The following ANOS1 variants were observed in gnomAD, a reference collection of about 807,000 sequenced individuals.
ANOS1 encodes anosmin 1.
A neutral mutation model predicts 59.0 loss-of-function variants in ANOS1; 6 were observed. That is an observed-to-expected ratio of 0.10 (90% confidence interval 0.06 to 0.20). The LOEUF is 0.20. Ranked by LOEUF, ANOS1 falls within the 10% of genes least tolerant of loss-of-function variation. ANOS1 has a pLI of 1.00. For missense variants in ANOS1, 433 were observed against 542.3 expected (o/e 0.80, Z 2.00); for synonymous variants, 217 against 223.4 (o/e 0.97, Z 0.25).
chrX:8,672,724 G>A (rs999379157), intron 2 of ANOS1, among the ~76,000 whole-genome samples: 2 of 111,766 alleles, frequency 1.8e-5, no homozygotes, highest in African/African-American at 3.3e-5. Flanking sequence ...CAACTAGGGT[G>A]TTCGACCTGA....
At chrX:8,593,935 G>A (rs1470665715) in intron 4 of ANOS1, among the ~76,000 whole-genome samples, 2 of 111,691 alleles carry the variant, frequency 1.8e-5, no homozygotes. Flanking sequence ...GGGATTAAAG[G>A]GGTGAGCCAC....
intron 1 of ANOS1, among the ~76,000 whole-genome samples, chrX:8,715,259 A>G (rs1279805364): frequency 1.8e-5 from 2 of 110,754 alleles, no homozygotes; most frequent in African/African-American, 6.6e-5. Context: ...CATCATACGG[A>G]AAGGTGAAAT....
intron 2 of ANOS1, among the ~76,000 whole-genome samples, chrX:8,640,819 T>C (rs1931651254): frequency 8.9e-6 from 1 of 111,936 alleles, no homozygotes; most frequent in Non-Finnish European, 1.9e-5. Context: ...CTACAAGTCA[T>C]AGATACAATT....
At chrX:8,543,767 G>A (rs945053952) in intron 9 of ANOS1, among the ~76,000 whole-genome samples, 1 of 111,179 alleles carries the variant, frequency 9.0e-6, no homozygotes, top group Admixed American at 9.6e-5. Context: ...GGGAGGCTGA[G>A]GCAGGAGAAT....
intron 8 of ANOS1, chrX:8,565,977 G>T: frequency 1.3e-6 from 1 of 752,558 alleles, no homozygotes; most frequent in Non-Finnish European, 1.6e-6. Flanking sequence ...ACCTCCAGGG[G>T]AGAGACCAGT....
intron 7 of ANOS1, 34 bp from the exon 8 acceptor site, chrX:8,568,410 A>G: frequency 8.5e-7 from 1 of 1,173,473 alleles, no homozygotes; most frequent in Non-Finnish European, 1.2e-6. Flanking sequence ...AAAATGCGTT[A>G]CAAACCTTCC....
chrX:8,568,695 T>C, intron 7 of ANOS1, among the ~76,000 whole-genome samples: 1 of 110,284 alleles, frequency 9.1e-6, no homozygotes, highest in Middle Eastern at 4.7e-3. Context: ...CATGGTGGTG[T>C]GCACTTGTAG....
At chrX:8,582,861 G>A (rs1434435295) in intron 6 of ANOS1, among the ~76,000 whole-genome samples, 1 of 111,755 alleles carries the variant, frequency 8.9e-6, no homozygotes, top group Non-Finnish European at 1.9e-5. Context: ...AGAACTGAGC[G>A]GATTAGGGGA....
At chrX:8,696,536 TA>T (rs1483578800) in intron 2 of ANOS1, among the ~76,000 whole-genome samples, 1 of 112,316 alleles carries the variant, frequency 8.9e-6, no homozygotes, top group Non-Finnish European at 1.9e-5. Context: ...AATGAGCCCC[TA>T]AAAAGGTGCT....
At chrX:8,590,344 TTTTG>T (rs202112365) in intron 4 of ANOS1, among the ~76,000 whole-genome samples, 6,557 of 111,400 alleles carry the variant, frequency 0.059, 202 homozygotes, top group Admixed American at 0.12. Flanking sequence ...TTTATGGTTT[TTTTG>T]TTTGTTTGTT....
intron 2 of ANOS1, among the ~76,000 whole-genome samples, chrX:8,668,688 T>C (rs1932205357): frequency 9.2e-6 from 1 of 108,203 alleles, no homozygotes; most frequent in African/African-American, 3.4e-5. Context: ...ACACATAAGG[T>C]CTACTAAGTT....
At position 8,645,895 on chromosome X, in the gene ANOS1, C is replaced by T. The variant is rs186707549; in HGVS notation, c.256-22225G>A. Among the ~76,000 whole-genome samples, 203 of 112,369 alleles carry T rather than the reference C, an allele frequency of 1.8e-3. 3 individuals are homozygous for T. The East Asian group carries it at 0.043, about 24-fold the overall frequency. On this transcript the variant is annotated intron_variant, in intron 2 of 13. Coordinates refer to ENST00000262648, the MANE Select transcript of ANOS1 (RefSeq NM_000216.4). The stretch of plus-strand genomic sequence containing the variant: ...TCCTGACCTCGTGATCCGCCCGCCT[C>T]GGCCTCCCAAAGTGCTGGGATTACA...
At position 8,670,777 on chromosome X, in the gene ANOS1, T is replaced by C. The variant is rs1235103521; in HGVS notation, c.255+28921A>G. Among the ~76,000 whole-genome samples, 3 of 111,583 alleles carry C rather than the reference T, an allele frequency of 2.7e-5. No individual in the cohort carries two copies. In the East Asian group the frequency reaches 8.5e-4, roughly 32 times the overall value. The stretch of plus-strand genomic sequence containing the variant: ...AGGCTTAAACTTATTATGCCCAAAA[T>C]GAATTTTAACAGGGCTTCCCTTTTT... On this transcript the variant is annotated intron_variant, in intron 2 of 13. Coordinates refer to ENST00000262648, the MANE Select transcript of ANOS1 (RefSeq NM_000216.4).
chrX:8,725,519 GATAT>G (rs762026873), intron 1 of ANOS1, among the ~76,000 whole-genome samples: 51 of 62,354 alleles, frequency 8.2e-4, no homozygotes, highest in African/African-American at 2.2e-3. Flanking sequence ...ATTATATACA[GATAT>G]ATATATATAT....
At chrX:8,551,299 A>G (rs1410047337) in intron 9 of ANOS1, among the ~76,000 whole-genome samples, 3 of 111,998 alleles carry the variant, frequency 2.7e-5, no homozygotes, top group Non-Finnish European at 5.6e-5. Context: ...GACATAGAGA[A>G]TACTAAACCT....
chrX:8,597,424 G>A (rs908531650), intron 3 of ANOS1, among the ~76,000 whole-genome samples, 168 bp from the exon 4 acceptor site: 1 of 111,153 alleles, frequency 9.0e-6, no homozygotes, highest in African/African-American at 3.3e-5. Flanking sequence ...GACATTTTGT[G>A]CTGATTTCTC....
chrX:8,668,430 TAC>T (rs1555900813), intron 2 of ANOS1, among the ~76,000 whole-genome samples: 9 of 80,258 alleles, frequency 1.1e-4, no homozygotes, highest in African/African-American at 4.0e-4. Flanking sequence ...TATATATATA[TAC>T]ACACACATAC....
chrX:8,662,309 A>G (rs191284333), intron 2 of ANOS1, among the ~76,000 whole-genome samples: 1 of 112,087 alleles, frequency 8.9e-6, no homozygotes, highest in Admixed American at 9.4e-5. Flanking sequence ...ATGCTTTGCC[A>G]TCACTGTCTT....
rs1203795812 is a variant in ANOS1, at chrX:8,623,046, G to GGATGGATA, written c.318+561_318+562insTATCCATC. On this transcript the variant is annotated intron_variant, in intron 3 of 13. Transcript: ENST00000262648. ...ATGGATGGATGATGGATGGATGGAT[G>GGATGGATA]GATGGATGGATGGATGGATGGATGG... Among the ~76,000 whole-genome samples, 328 of 109,369 alleles carry GGATGGATA rather than the reference G, an allele frequency of 3.0e-3. 3 individuals carry two copies. The highest frequency in any genetic ancestry group is 5.7e-3 in the African/African-American group (170 of 30,035). 95.0% of individuals were successfully genotyped at this position (109,369 alleles called of 115,157 possible).
Sources: allele counts gnomAD v4.1 joint callset (sites outside exome capture counted in the v4.1 genomes callset), GRCh38; gene constraint gnomAD v4.1.1; transcripts MANE v1.5; gene names NCBI Gene and HGNC (gene_info 2026-07-23, HGNC 2026-07-21).